Variants in MIGA1 observed in about 807,000 individuals in gnomAD.
The protein encoded by MIGA1 is family with sequence similarity 73, member A.
In MIGA1, 58 loss-of-function variants were observed where a neutral mutation model predicts 82.0. That is an observed-to-expected ratio of 0.71 (90% CI 0.57 to 0.88). The LOEUF (loss-of-function observed/expected upper bound fraction) is 0.88. MIGA1 is among the 40% of genes least tolerant of loss of function. The probability of loss-of-function intolerance (pLI) is 0.00; values close to 1 mark genes in which losing one functional copy is unlikely to be tolerated. For synonymous variants in MIGA1, 249 were observed against 253.6 expected, an observed-to-expected ratio of 0.98 and a Z score of 0.17; for missense variants, 751 against 749.1, an observed-to-expected ratio of 1.00 and a Z score of -0.03.
chr1:77,791,255 A>C lies in MIGA1; in HGVS notation c.195+7904A>C, dbSNP rs568249975. ...AGACCCTGTCTCTTAAAAAAAAAAA[A>C]AAAAAAAAAACAAAAAACTGCTATA... On this transcript the variant is annotated intron_variant, in intron 2 of 15. Transcript: ENST00000370791. Among the ~76,000 whole-genome samples, 1,247 of 151,036 alleles carry C rather than the reference A, an allele frequency of 8.3e-3. 11 individuals carry two copies. The highest frequency in any genetic ancestry group is 0.079 in the Middle Eastern group (23 of 292).
chr1:77,820,634 T>C (rs1356175551), intron 7 of MIGA1, among the ~76,000 whole-genome samples: 1 of 152,124 alleles, frequency 6.6e-6, no homozygotes, highest in African/African-American at 2.4e-5. Flanking sequence ...GTTGTTCTTA[T>C]TCTACCTTTC....
chr1:77,806,683 G>T (rs1683112937), intron 4 of MIGA1, among the ~76,000 whole-genome samples: 1 of 152,184 alleles, frequency 6.6e-6, no homozygotes, highest in Admixed American at 6.5e-5. Context: ...AAATTTATAA[G>T]TGAATGCTTA....
At chr1:77,796,798 A>G (rs1195107636) in intron 2 of MIGA1, among the ~76,000 whole-genome samples, 1 of 151,920 alleles carries the variant, frequency 6.6e-6, no homozygotes, top group East Asian at 1.9e-4. Context: ...GTGATCCCAT[A>G]TCCTGGTTGA....
Position 77,807,014 on chromosome 1 carries a change from A to G in MIGA1, c.550A>G (p.Asn184Asp), listed in dbSNP as rs1206460593. The stretch of plus-strand genomic sequence containing the variant: ...TTCTTGTCATAGCTGCGCTTGTGGC[A>G]ATTCTAATTCCTGGGACAAAGCAGA... Residue 184 changes from asparagine to aspartate, a missense_variant, in exon 5 of 16, where the codon AAT becomes GAT. By Grantham distance (23) the Asn-to-Asp change is conservative. Coordinates refer to ENST00000370791, the MANE Select transcript of MIGA1 (RefSeq NM_198549.4). 1 of 1,612,006 alleles carries G rather than the reference A, an allele frequency of 6.2e-7. No homozygotes were observed. The highest frequency in any genetic ancestry group is 2.2e-5 in the East Asian group (1 of 44,854).
At chr1:77,868,225 T>C (rs1306593812) in intron 14 of MIGA1, 1 of 152,198 alleles carries the variant, frequency 6.6e-6, no homozygotes, top group Non-Finnish European at 1.5e-5. Context: ...AGAATAAATA[T>C]TGTACTTTTT....
intron 2 of MIGA1, among the ~76,000 whole-genome samples, chr1:77,800,270 C>A (rs569349782): frequency 2.0e-5 from 3 of 152,178 alleles, no homozygotes; most frequent in Non-Finnish European, 4.4e-5. Flanking sequence ...CAGCACCTCT[C>A]TCCAGCCTCT....
chr1:77,823,420 T>C (rs1557912934), intron 7 of MIGA1, among the ~76,000 whole-genome samples: 1 of 152,230 alleles, frequency 6.6e-6, no homozygotes, highest in Non-Finnish European at 1.5e-5. Flanking sequence ...AATTTTGTGG[T>C]ATGTAAATTA....
intron 13 of MIGA1, among the ~76,000 whole-genome samples, chr1:77,865,133 C>G (rs1571015006): frequency 6.7e-6 from 1 of 149,328 alleles, no homozygotes; most frequent in Admixed American, 6.7e-5. Context: ...TCAGATTTTT[C>G]TTTCTTTTTT....
intron 5 of MIGA1, among the ~76,000 whole-genome samples, chr1:77,813,501 T>C (rs1341300673): frequency 1.3e-5 from 2 of 152,230 alleles, no homozygotes; most frequent in Non-Finnish European, 2.9e-5. Context: ...GTGTTATATT[T>C]TTAAAGAAAT....
intron 8 of MIGA1, chr1:77,848,644 C>T (rs1419609662): frequency 6.4e-7 from 1 of 1,566,528 alleles, no homozygotes; most frequent in Non-Finnish European, 8.8e-7. Flanking sequence ...CACAGAAAGG[C>T]AAGAGAAGGG....
intron 4 of MIGA1, among the ~76,000 whole-genome samples, chr1:77,805,674 C>A (rs1356377297): frequency 1.3e-5 from 2 of 151,694 alleles, no homozygotes; most frequent in Non-Finnish European, 1.5e-5. Flanking sequence ...GGATTACAGG[C>A]GTGCACCACC....
intron 7 of MIGA1, among the ~76,000 whole-genome samples, chr1:77,832,747 T>A (rs910702904): frequency 2.0e-4 from 31 of 152,188 alleles, no homozygotes; most frequent in African/African-American, 7.5e-4. Context: ...ACATAAATTA[T>A]GAAGGTCCTT....
chr1:77,847,414 A>G (rs1336017843), intron 8 of MIGA1: 7 of 1,371,218 alleles, frequency 5.1e-6, no homozygotes, highest in East Asian at 2.3e-5. Context: ...AAGCCCAAGT[A>G]TATTCACAAC....
chr1:77,797,016 C>A (rs1324577378), intron 2 of MIGA1, among the ~76,000 whole-genome samples: 1 of 152,190 alleles, frequency 6.6e-6, no homozygotes, highest in Non-Finnish European at 1.5e-5. Context: ...TATCTTTACC[C>A]ACAAATGTCA....
chr1:77,822,885 C>T (rs1051174899), intron 7 of MIGA1, among the ~76,000 whole-genome samples: 14 of 148,112 alleles, frequency 9.5e-5, no homozygotes, highest in Admixed American at 4.7e-4. Context: ...ATCTGTCGCC[C>T]AGGCTGGAGT....
intron 2 of MIGA1, among the ~76,000 whole-genome samples, chr1:77,788,327 C>T (rs920933896): frequency 1.1e-4 from 16 of 151,912 alleles, no homozygotes; most frequent in Middle Eastern, 3.4e-3. Flanking sequence ...TTAGTAGAGA[C>T]GGGGTTTCAC....
chr1:77,872,387 G>A (rs1355297993), intron 14 of MIGA1, among the ~76,000 whole-genome samples: 5 of 152,154 alleles, frequency 3.3e-5, no homozygotes, highest in African/African-American at 1.2e-4. Context: ...GATTGCTTGA[G>A]CCCAGGAGTT....
At chr1:77,834,021 A>G (rs868042358) in intron 7 of MIGA1, among the ~76,000 whole-genome samples, 1 of 152,240 alleles carries the variant, frequency 6.6e-6, no homozygotes, top group Non-Finnish European at 1.5e-5. Flanking sequence ...AGAGACAACT[A>G]TTGTGGAAAT....
intron 14 of MIGA1, among the ~76,000 whole-genome samples, chr1:77,870,076 T>C (rs1347667481): frequency 2.0e-5 from 2 of 100,166 alleles, no homozygotes; most frequent in South Asian, 4.2e-4. Flanking sequence ...ACTGGGCGGC[T>C]GGCCGGGCGG....
Sources: gnomAD v4.1 joint callset for allele counts (sites outside exome capture counted in the v4.1 genomes callset) on GRCh38, gnomAD v4.1.1 for gene constraint, MANE v1.5 for transcripts, NCBI Gene and HGNC (gene_info 2026-07-23, HGNC 2026-07-21) for gene names.